DESI2: variants seen among roughly 807,000 people sequenced by gnomAD.
DESI2 encodes the protein deubiquitinase DESI2.
DESI2 carries 10 observed loss-of-function variants against 24.1 expected under a neutral mutation model. The ratio of observed to expected loss-of-function variants is 0.41; its 90% confidence interval spans 0.26 to 0.70. The LOEUF (loss-of-function observed/expected upper bound fraction) is 0.70, where lower values mean the gene tolerates loss of function less well. DESI2 is among the 30% of genes least tolerant of loss of function. The probability of loss-of-function intolerance (pLI) is 0.29; values close to 1 mark genes in which losing one functional copy is unlikely to be tolerated. For synonymous variants in DESI2, 71 were observed against 87.7 expected, an observed-to-expected ratio of 0.81 and a Z score of 1.06; for missense variants, 122 against 234.9, an observed-to-expected ratio of 0.52 and a Z score of 3.14.
chr1:244,664,995 C>T (rs974986180), intron 1 of DESI2, among the ~76,000 whole-genome samples: 1 of 152,114 alleles, frequency 6.6e-6, no homozygotes, highest in African/African-American at 2.4e-5. Context: ...GTGGCACATA[C>T]TATGTTTATG....
chr1:244,701,210 CCTCCA>C (rs201218829), intron 4 of DESI2, among the ~76,000 whole-genome samples: 54 of 29,472 alleles, frequency 1.8e-3, no homozygotes, highest in South Asian at 4.1e-3. Flanking sequence ...ACCACCTTCC[CCTCCA>C]CCCCCCCCCC....
intron 1 of DESI2, among the ~76,000 whole-genome samples, chr1:244,681,827 TTTTG>T (rs1676623523): frequency 1.3e-5 from 2 of 152,210 alleles, no homozygotes; most frequent in East Asian, 1.9e-4. Flanking sequence ...GTTCATTTGT[TTTTG>T]TTTGACTTCG....
At chr1:244,703,502 C>T (rs1383282930) in intron 4 of DESI2, among the ~76,000 whole-genome samples, 1 of 152,090 alleles carries the variant, frequency 6.6e-6, no homozygotes, top group Non-Finnish European at 1.5e-5. Flanking sequence ...GCTACAGGCA[C>T]ACACCACCAT....
intron 4 of DESI2, among the ~76,000 whole-genome samples, chr1:244,698,616 G>A (rs1388651654): frequency 6.6e-6 from 1 of 152,196 alleles, no homozygotes; most frequent in Non-Finnish European, 1.5e-5. Flanking sequence ...CTTGACGCTT[G>A]AGCTAAAACT....
At chr1:244,685,747 A>ACATC (rs1336429742) in intron 1 of DESI2, among the ~76,000 whole-genome samples, 1 of 152,178 alleles carries the variant, frequency 6.6e-6, no homozygotes, top group Non-Finnish European at 1.5e-5. Context: ...AACCTGGGAG[A>ACATC]CATCCAATAG....
chr1:244,667,804 TC>T (rs1172620992), intron 1 of DESI2, among the ~76,000 whole-genome samples: 2 of 152,116 alleles, frequency 1.3e-5, no homozygotes, highest in Non-Finnish European at 2.9e-5. Context: ...GCTAGGGAGA[TC>T]CATTAGGATA....
chr1:244,705,938 TCAA>T lies in DESI2; in HGVS notation c.*150_*152del. On this transcript the variant is annotated 3_prime_UTR_variant, in exon 5 of 5. Coordinates refer to ENST00000302550, the MANE Select transcript of DESI2 (RefSeq NM_016076.5). ...TTTCAGCTCAGGATTATATTTGTAA[TCAA>T]AAAAAAAAAATCACTTGGCGCAGGA... 1.6e-6 allele frequency: 1 copy of T among 613,344 alleles called. No homozygotes were observed. Among genetic ancestry groups the T allele is most frequent in the Non-Finnish European group, 2.8e-6 (1 of 359,712 alleles). The allele number at this position is 613,344 out of a possible 1,614,324, so 38.0% of individuals were successfully genotyped here.
At chr1:244,695,485 C>T (rs1677178150) in intron 4 of DESI2, among the ~76,000 whole-genome samples, 1 of 152,170 alleles carries the variant, frequency 6.6e-6, no homozygotes, top group Non-Finnish European at 1.5e-5. Flanking sequence ...AACCTCATCT[C>T]TAACTAAAAA....
chr1:244,704,158 A>G (rs1408613899), intron 4 of DESI2, among the ~76,000 whole-genome samples: 1 of 152,246 alleles, frequency 6.6e-6, no homozygotes, highest in Non-Finnish European at 1.5e-5. Flanking sequence ...GAAAAGGTAC[A>G]CGTTGTATAA....
chr1:244,670,148 G>A (rs1476267389), intron 1 of DESI2, among the ~76,000 whole-genome samples: 1 of 151,862 alleles, frequency 6.6e-6, no homozygotes, highest in Non-Finnish European at 1.5e-5. Flanking sequence ...GTAGAGATGG[G>A]GTTTCATCAT....
intron 1 of DESI2, among the ~76,000 whole-genome samples, chr1:244,664,422 A>G (rs751165810): frequency 2.0e-5 from 3 of 152,228 alleles, no homozygotes; most frequent in Non-Finnish European, 4.4e-5. Flanking sequence ...CATATGGTGT[A>G]ATAGAAAAAA....
intron 4 of DESI2, among the ~76,000 whole-genome samples, chr1:244,705,129 A>G (rs1049158411): frequency 6.6e-6 from 1 of 152,192 alleles, no homozygotes; most frequent in African/African-American, 2.4e-5. Flanking sequence ...AATCTGTGAA[A>G]AAGAAGAATT....
intron 1 of DESI2, among the ~76,000 whole-genome samples, chr1:244,664,344 T>C (rs1675968589): frequency 6.6e-6 from 1 of 152,218 alleles, no homozygotes. Flanking sequence ...TGTGTTAATT[T>C]TTTTCATTAA....
chr1:244,685,857 AC>A (rs1676798886), intron 1 of DESI2, among the ~76,000 whole-genome samples: 1 of 151,952 alleles, frequency 6.6e-6, no homozygotes, highest in Admixed American at 6.6e-5. Context: ...CACCTTTTTA[AC>A]CCCTTTCACA....
chr1:244,702,819 A>G (rs1265666201), intron 4 of DESI2, among the ~76,000 whole-genome samples: 1 of 152,190 alleles, frequency 6.6e-6, no homozygotes, highest in Admixed American at 6.5e-5. Flanking sequence ...AGGAGGGTAG[A>G]TTACTGAATG....
At chr1:244,653,864 T>C in intron 1 of DESI2, 1 of 459,196 alleles carries the variant, frequency 2.2e-6, no homozygotes, top group Non-Finnish European at 4.5e-6. Flanking sequence ...TGCTAGAATC[T>C]CTTCAAAGGT....
chr1:244,679,691 C>CA (rs1201494386), intron 1 of DESI2, among the ~76,000 whole-genome samples: 2 of 151,408 alleles, frequency 1.3e-5, no homozygotes, highest in Non-Finnish European at 2.9e-5. Flanking sequence ...GCCAACATGC[C>CA]AAAACCCCAT....
At chr1:244,672,869 T>C (rs1676294669) in intron 1 of DESI2, among the ~76,000 whole-genome samples, 1 of 80,480 alleles carries the variant, frequency 1.2e-5, no homozygotes, top group Admixed American at 1.6e-4. Flanking sequence ...AGCGAGACTC[T>C]GTCTGTAATA....
rs1296583375 is a variant in DESI2, at chr1:244,705,736, TC to T, written c.534del (p.Val179TrpfsTer44). 1 of 1,613,682 alleles carries T rather than the reference TC, an allele frequency of 6.2e-7. No individual in the cohort carries two copies. The highest frequency in any genetic ancestry group is 2.2e-5 in the East Asian group (1 of 44,884). On this transcript the variant is annotated frameshift_variant, in exon 5 of 5. Coordinates refer to ENST00000302550, the MANE Select transcript of DESI2 (RefSeq NM_016076.5). LOFTEE classifies it high-confidence loss of function. ...AGCAGAGGATGCTGCCGCATCCGCT[TC>T]CGTGGCAAGCACTGCAGCAGGCTCC... is the stretch of plus-strand genomic sequence containing the variant. ...EEAEDAAASA[S>X]VASTAAGSRP... is the part of the protein sequence containing the mutation.
Sources: gnomAD v4.1 joint callset for allele counts (sites outside exome capture counted in the v4.1 genomes callset) on GRCh38, gnomAD v4.1.1 for gene constraint, MANE v1.5 for transcripts, NCBI Gene and HGNC (gene_info 2026-07-23, HGNC 2026-07-21) for gene names.